The following ZNF543 variants were observed in gnomAD, a reference collection of about 807,000 sequenced individuals.
ZNF543 encodes the protein zinc finger protein 543.
Under a neutral mutation model 13.4 loss-of-function variants are expected in ZNF543, and 10 were observed. That is an observed-to-expected ratio of 0.75 (90% CI 0.46 to 1.26). ZNF543 has a LOEUF of 1.26. Among genes scored for constraint, ZNF543 ranks in the 50% most tolerant of loss-of-function variants. The probability of loss-of-function intolerance (pLI) is 0.00; values close to 1 mark genes in which losing one functional copy is unlikely to be tolerated. For synonymous variants in ZNF543, 272 were observed against 264.7 expected (o/e 1.03, Z -0.27); for missense variants, 768 against 741.2 (o/e 1.04, Z -0.42).
At position 57,328,355 on chromosome 19, in the gene ZNF543, T is replaced by C. The variant is rs2088137853; in HGVS notation, c.893T>C (p.Phe298Ser). 3.7e-6 allele frequency: 6 copies of C among 1,613,966 alleles called. No individual in the cohort carries two copies. Among genetic ancestry groups the C allele is most frequent in the African/African-American group, 1.3e-5 (1 of 74,980 alleles). ...AAGGCCTTCACCCACCGCTCCACTT[T>C]TGTCTTGCATCACAGGAGCCACACT... ...CGKAFTHRST[F>S]VLHHRSHTGE... The change falls in exon 4 of 4, where the codon TTT becomes TCT. Residue 298 changes from phenylalanine (F) to serine (S), a missense_variant. By Grantham distance (155) the Phe-to-Ser change is radical. Around this residue, in one of 3 missense-constraint regions of ZNF543, gnomAD observed 677 missense variants for 631.4 expected, o/e 1.07. Transcript: ENST00000321545.
At chr19:57,322,103 T>C (rs1250339956) in intron 1 of ZNF543, among the ~76,000 whole-genome samples, 3 of 152,234 alleles carry the variant, frequency 2.0e-5, no homozygotes, top group Non-Finnish European at 2.9e-5. Context: ...CAACCTGCTG[T>C]GTCCTCTGTG....
rs138441500 is a variant in ZNF543, at chr19:57,328,170, T to C, written c.708T>C (p.Phe236=). The C allele has an allele frequency of 1.7e-4, 277 of 1,613,220 alleles. No individual in the cohort carries two copies. The highest frequency in any genetic ancestry group is 1.3e-3 in the Middle Eastern group (8 of 6,060). ...AATGCACAGAGTGTGGGAAAACCTT[T>C]AGCAAGAGCACTCATCTTCTTCAGC... The part of the protein sequence containing the change: ...PYECTECGKT[F]SKSTHLLQHL... Residue 236 remains phenylalanine, a synonymous_variant, in exon 4 of 4, where the codon TTT becomes TTC. Transcript: ENST00000321545.
rs1284790658 is a variant in ZNF543, at chr19:57,330,357, G to T, written c.*1092G>T. 2 of 150,194 alleles carry T rather than the reference G, an allele frequency of 1.3e-5. No homozygotes were observed. Among genetic ancestry groups the T allele is most frequent in the African/African-American group, 4.9e-5 (2 of 40,752 alleles). The allele number at this position is 150,194 out of a possible 1,614,324, so 9.3% of individuals were successfully genotyped here. A position where few individuals can be genotyped will look rare whatever the true frequency, so the allele number is the denominator to read the frequency against. ...CCTGGGAATCTTAGTTTTTTCCTAT[G>T]ATTGTGGTTTCTCAGCTTCTTTACC... On this transcript the variant is annotated 3_prime_UTR_variant, in exon 4 of 4. Coordinates refer to ENST00000321545, the MANE Select transcript of ZNF543 (RefSeq NM_213598.4).
In ZNF543 at chr19:57,330,329, A is replaced by G. The variant is rs1034631373; in HGVS notation, c.*1064A>G. 6.6e-6 allele frequency: 1 copy of G among 151,232 alleles called. No individual in the cohort carries two copies. The highest frequency in any genetic ancestry group is 1.5e-5 in the Non-Finnish European group (1 of 67,914). 9.4% of individuals were successfully genotyped at this position (151,232 alleles called of 1,614,324 possible). On this transcript the variant is annotated 3_prime_UTR_variant, in exon 4 of 4. Transcript: ENST00000321545. ...TAGTGTAATTGTTCATGCCCACAGT[A>G]ATCCTGGGAATCTTAGTTTTTTCCT...
chr19:57,320,737 A>G lies in ZNF543; in HGVS notation c.-117A>G. On this transcript the variant is annotated 5_prime_UTR_variant, in exon 1 of 4. Transcript: ENST00000321545. ...GCTTTGTGCGCATTTTTCTCTGGGG[A>G]AACTGAGGCTCCGAGTGCGAAAGTC... 13 of 1,304,716 alleles carry G rather than the reference A, an allele frequency of 1.0e-5. No homozygotes were observed. Among genetic ancestry groups the G allele is most frequent in the Non-Finnish European group, 1.4e-5 (13 of 952,282 alleles). The allele number at this position is 1,304,716 out of a possible 1,614,324, so 80.8% of individuals were successfully genotyped here. A position where few individuals can be genotyped will look rare whatever the true frequency, so the allele number is the denominator to read the frequency against.
In ZNF543 at chr19:57,329,165, T is replaced by C. The variant is rs768729742; in HGVS notation, c.1703T>C (p.Val568Ala). The C allele has an allele frequency of 3.7e-6, 6 of 1,614,220 alleles. No individual in the cohort carries two copies. Among genetic ancestry groups the C allele is most frequent in the Admixed American group, 1.7e-5 (1 of 60,032 alleles). Residue 568 changes from valine to alanine, a missense_variant, in exon 4 of 4, where the codon GTG (valine) becomes GCG (alanine). Transcript: ENST00000321545. ...TGRNPTIVTD[V>A]GRPFMTAQTS... is the part of the protein sequence containing the mutation. ...AGAAACCCTACCATTGTAACAGATGTGGGAAGACCTTTTATGACTGCACAG... is the reference window on the plus strand; with the variant it reads ...AGAAACCCTACCATTGTAACAGATGCGGGAAGACCTTTTATGACTGCACAG...
chr19:57,327,884 C>T lies in ZNF543; in HGVS notation c.422C>T (p.Pro141Leu). 1 of 1,614,112 alleles carries T rather than the reference C, an allele frequency of 6.2e-7. No homozygotes were observed. The highest frequency in any genetic ancestry group is 8.5e-7 in the Non-Finnish European group (1 of 1,180,032). Residue 141 changes from proline to leucine, a missense_variant, in exon 4 of 4, where the codon CCC becomes CTC. Pro to Leu is a moderately conservative substitution (Grantham distance 98). Transcript: ENST00000321545. ...QEVHLKIGIG[P>L]QRGKLLEKMS... ...GTCCACTTGAAAATAGGGATAGGCCCCCAGCGGGGGAAGCTGCTGGAGAAA... is the reference window on the plus strand; with the variant it reads ...GTCCACTTGAAAATAGGGATAGGCCTCCAGCGGGGGAAGCTGCTGGAGAAA...
At chr19:57,323,583 C>A in intron 1 of ZNF543, 99 bp from the exon 2 acceptor site, 2 of 1,445,808 alleles carry the variant, frequency 1.4e-6, no homozygotes, top group Non-Finnish European at 1.9e-6. Context: ...TGATTTGATT[C>A]TTGGGTCACT....
chr19:57,322,259 T>TGCAGGTCCAGGCCCTGCCACTTTTGAG (rs2088094358), intron 1 of ZNF543, among the ~76,000 whole-genome samples: 1 of 152,052 alleles, frequency 6.6e-6, no homozygotes, highest in Non-Finnish European at 1.5e-5. Context: ...AGGCAGCAGA[T>TGCAGGTCCAGGCCCTGCCACTTTTGAG]GCAGGTCCAG....
chr19:57,324,587 G>T (rs1401933880), intron 2 of ZNF543, among the ~76,000 whole-genome samples: 1 of 152,130 alleles, frequency 6.6e-6, no homozygotes, highest in Non-Finnish European at 1.5e-5. Flanking sequence ...AGTTAAATTG[G>T]CCAGATGCTT....
Position 57,328,314 on chromosome 19 carries a change from G to T in ZNF543, c.852G>T (p.Lys284Asn). The T allele has an allele frequency of 6.2e-7, 1 of 1,612,504 alleles. No homozygotes were observed. Among genetic ancestry groups the T allele is most frequent in the East Asian group, 2.2e-5 (1 of 44,726 alleles). ...TTCACAGTGGAGAGAAGCCTTATAA[G>T]TGCAGTGAATGTGGAAAGGCCTTCA... Reference protein sequence around the residue: ...QRIHSGEKPYKCSECGKAFTH... With the variant: ...QRIHSGEKPYNCSECGKAFTH... Residue 284 changes from lysine (K) to asparagine (N), a missense_variant, in exon 4 of 4, where the codon AAG becomes AAT. Physicochemically the swap from Lys to Asn is moderately conservative, Grantham distance 94. Transcript: ENST00000321545.
chr19:57,325,693 G>A (rs996986022), intron 2 of ZNF543, among the ~76,000 whole-genome samples: 2 of 152,014 alleles, frequency 1.3e-5, no homozygotes, highest in Non-Finnish European at 2.9e-5. Context: ...CTGGGACCAC[G>A]GGTGCATGAC....
intron 3 of ZNF543, 51 bp from the exon 4 acceptor site, chr19:57,327,653 T>G: frequency 6.5e-7 from 1 of 1,536,026 alleles, no homozygotes; most frequent in Non-Finnish European, 8.7e-7. Flanking sequence ...CCTTTGTTTT[T>G]TCTATAATGC....
chr19:57,321,712 A>G (rs2088090890), intron 1 of ZNF543, among the ~76,000 whole-genome samples: 1 of 152,202 alleles, frequency 6.6e-6, no homozygotes, highest in Non-Finnish European at 1.5e-5. Flanking sequence ...AGTATCAGAA[A>G]CTAACAACTG....
Position 57,320,800 on chromosome 19 carries a change from G to T in ZNF543, c.-54G>T, listed in dbSNP as rs1487353272. On this transcript the variant is annotated 5_prime_UTR_variant, in exon 1 of 4. Coordinates refer to ENST00000321545, the MANE Select transcript of ZNF543 (RefSeq NM_213598.4). ...CCCGCCCAGGACAGAGAAGGGCTGG[G>T]GGTCGGCTGAGCCGCGGCATTCCCG... 1 of 1,611,490 alleles carries T rather than the reference G, an allele frequency of 6.2e-7. No individual in the cohort carries two copies. The highest frequency in any genetic ancestry group is 1.3e-5 in the African/African-American group (1 of 74,886).
chr19:57,327,889 C>CG lies in ZNF543; in HGVS notation c.432dup (p.Lys145GlufsTer9). The CG allele has an allele frequency of 6.2e-7, 1 of 1,614,086 alleles. No individual in the cohort carries two copies. Among genetic ancestry groups the CG allele is most frequent in the Non-Finnish European group, 8.5e-7 (1 of 1,180,026 alleles). On this transcript the variant is annotated frameshift_variant, in exon 4 of 4. Transcript: ENST00000321545. LOFTEE classifies it low-confidence loss of function (END_TRUNC). Reference sequence around the variant, plus strand: ...CTTGAAAATAGGGATAGGCCCCCAGCGGGGGAAGCTGCTGGAGAAAATGAG... The same window carrying CG: ...CTTGAAAATAGGGATAGGCCCCCAGCGGGGGGAAGCTGCTGGAGAAAATGAG...
chr19:57,325,911 A>G (rs2088117779), intron 2 of ZNF543, among the ~76,000 whole-genome samples: 1 of 152,122 alleles, frequency 6.6e-6, no homozygotes, highest in Admixed American at 6.5e-5. Context: ...AGCCTCCCTC[A>G]TTTAGCCCTT....
intron 2 of ZNF543, among the ~76,000 whole-genome samples, 187 bp from the exon 3 acceptor site, chr19:57,326,446 A>C (rs1161916657): frequency 6.6e-6 from 1 of 152,184 alleles, no homozygotes. Flanking sequence ...GATTACAGGC[A>C]TGACCCACTG....
Position 57,323,254 on chromosome 19 carries a change from C to T in ZNF543, c.19-428C>T, listed in dbSNP as rs558726399. 5.0e-3 allele frequency among the ~76,000 whole-genome samples: 751 copies of T among 150,750 alleles called. 7 individuals are homozygous for T. The highest frequency in any genetic ancestry group is 0.017 in the African/African-American group (685 of 41,010). On this transcript the variant is annotated intron_variant, in intron 1 of 3. Coordinates refer to ENST00000321545, the MANE Select transcript of ZNF543 (RefSeq NM_213598.4). ...TCACCCAGGCTGGAGTACAGTGGCA[C>T]GATCTCGGCTCACTGCAAGCTCCGC...
Sources: gnomAD v4.1 joint callset for allele counts (sites outside exome capture counted in the v4.1 genomes callset) on GRCh38, gnomAD v4.1.1 for gene constraint, gnomAD v4.1.1 regional missense constraint, MANE v1.5 for transcripts, NCBI Gene and HGNC (gene_info 2026-07-23, HGNC 2026-07-21) for gene names.